PDGFRA: variants seen among roughly 807,000 people sequenced by gnomAD.
PDGFRA encodes platelet-derived growth factor receptor alpha.
Under a neutral mutation model 121.5 loss-of-function variants are expected in PDGFRA, and 25 were observed. The observed-to-expected ratio is 0.21, with a 90% CI of 0.15 to 0.29. PDGFRA has a LOEUF of 0.29. Ranked by LOEUF, PDGFRA falls within the 10% of genes least tolerant of loss-of-function variation. The probability of loss-of-function intolerance (pLI) is 1.00; values close to 1 mark genes in which losing one functional copy is unlikely to be tolerated. For synonymous variants in PDGFRA, 463 were observed against 494.8 expected, an observed-to-expected ratio of 0.94 and a Z score of 0.85; for missense variants, 1,008 against 1,345.1, an observed-to-expected ratio of 0.75 and a Z score of 3.92.
intron 3 of PDGFRA, 43 bp downstream of exon 3, chr4:54,261,455 G>A (rs1237527714): frequency 7.6e-7 from 1 of 1,324,052 alleles, no homozygotes; most frequent in Admixed American, 1.7e-5. Flanking sequence ...TTCTCTTCCT[G>A]TCTCTCCTGT....
At chr4:54,255,610 A>G (rs1252774284) in intron 1 of PDGFRA, among the ~76,000 whole-genome samples, 2 of 148,794 alleles carry the variant, frequency 1.3e-5, no homozygotes, top group Admixed American at 6.8e-5. Context: ...GGTTCACGCC[A>G]TTCTCCTGCC....
At chr4:54,231,404 G>A (rs1291372352) in intron 1 of PDGFRA, among the ~76,000 whole-genome samples, 1 of 152,210 alleles carries the variant, frequency 6.6e-6, no homozygotes, top group Non-Finnish European at 1.5e-5. Context: ...AGCATCCAGG[G>A]CAAACGCACG....
chr4:54,271,798 C>G (rs990078272), intron 8 of PDGFRA, among the ~76,000 whole-genome samples: 6 of 145,610 alleles, frequency 4.1e-5, no homozygotes, highest in African/African-American at 1.5e-4. Flanking sequence ...CTCCCTCACT[C>G]TCTCTTTTCT....
chr4:54,274,665 A>G (rs1217610057), intron 11 of PDGFRA, 40 bp downstream of exon 11: 11 of 1,539,898 alleles, frequency 7.1e-6, no homozygotes, highest in African/African-American at 4.1e-5. Flanking sequence ...TTTGAAGCCA[A>G]TGAGAACAAG....
rs372859148 is a variant in PDGFRA, at chr4:54,290,389, A to G, written c.2957A>G (p.Asn986Ser). 14 of 1,613,600 alleles carry G rather than the reference A, an allele frequency of 8.7e-6. No individual in the cohort carries two copies. The African/African-American group carries it at 1.7e-4, about 20-fold the overall frequency. Residue 986 changes from asparagine (N) to serine (S), a missense_variant, in exon 22 of 23, where the codon AAT becomes AGT. Asn to Ser is a conservative substitution (Grantham distance 46). Transcript: ENST00000257290. Reference sequence around the variant, plus strand: ...GCACGCATGCGTGTGGACTCAGACAATGCATACATTGGTGTCACCTACAAA... The same window carrying G: ...GCACGCATGCGTGTGGACTCAGACAGTGCATACATTGGTGTCACCTACAAA... ...AVARMRVDSD[N>S]AYIGVTYKNE...
intron 1 of PDGFRA, among the ~76,000 whole-genome samples, chr4:54,255,860 T>C: frequency 6.6e-6 from 1 of 152,094 alleles, no homozygotes; most frequent in Non-Finnish European, 1.5e-5. Context: ...TATTCAGTAA[T>C]TATGTATACG....
chr4:54,290,075 G>T (rs1430849768), intron 21 of PDGFRA, among the ~76,000 whole-genome samples: 1 of 152,218 alleles, frequency 6.6e-6, no homozygotes, highest in Non-Finnish European at 1.5e-5. Flanking sequence ...CTGACTTGGA[G>T]AAGGGGCTAC....
rs138150216 is a variant in PDGFRA, at chr4:54,290,471, C to T, written c.3039C>T (p.Ser1013=). ...WEGGLDEQRL[S]ADSGYIIPLP... ...GTGGTCTGGATGAGCAGAGACTGAGCGCTGACAGTGGCTACATCATTCCTC... is the reference window on the plus strand; with the variant it reads ...GTGGTCTGGATGAGCAGAGACTGAGTGCTGACAGTGGCTACATCATTCCTC... Residue 1013 remains serine, a synonymous_variant, in exon 22 of 23, where the codon AGC becomes AGT. Coordinates refer to ENST00000257290, the MANE Select transcript of PDGFRA (RefSeq NM_006206.6). The T allele has an allele frequency of 2.0e-4, 324 of 1,613,452 alleles. 2 individuals carry two copies. The East Asian group carries it at 6.4e-3, about 32-fold the overall frequency.
At chr4:54,231,296 G>A (rs1312157546) in intron 1 of PDGFRA, among the ~76,000 whole-genome samples, 3 of 152,230 alleles carry the variant, frequency 2.0e-5, no homozygotes, top group Non-Finnish European at 4.4e-5. Context: ...TGTGGGAAAT[G>A]GCTTTTTGGC....
rs1724916774 is a variant in PDGFRA at position 54,297,101 on chromosome 4, T to C, written c.*1829T>C. ...GCTCAGTGTTTTGGTGGAAAAAACATTTTAAGTTTTACTGATAATTTGAGG... is the reference window on the plus strand; with the variant it reads ...GCTCAGTGTTTTGGTGGAAAAAACACTTTAAGTTTTACTGATAATTTGAGG... On this transcript the variant is annotated 3_prime_UTR_variant, in exon 23 of 23. Coordinates refer to ENST00000257290, the MANE Select transcript of PDGFRA (RefSeq NM_006206.6). The C allele has an allele frequency of 8.6e-6, 2 of 233,022 alleles. No homozygotes were observed. The highest frequency in any genetic ancestry group is 1.1e-4 in the Admixed American group (2 of 17,782). The allele number at this position is 233,022 out of a possible 1,614,324, so 14.4% of individuals were successfully genotyped here.
At chr4:54,282,447 G>A (rs1577737744) in intron 16 of PDGFRA, among the ~76,000 whole-genome samples, 1 of 152,298 alleles carries the variant, frequency 6.6e-6, no homozygotes, top group East Asian at 1.9e-4. Flanking sequence ...TAAACAGTCA[G>A]ATCTTACAAG....
intron 15 of PDGFRA, 21 bp from the exon 16 acceptor site, chr4:54,280,295 T>C: frequency 6.2e-7 from 1 of 1,610,486 alleles, no homozygotes; most frequent in Non-Finnish European, 8.5e-7. Flanking sequence ...CTGGGTAAGA[T>C]TTCTCTTTCT....
intron 8 of PDGFRA, among the ~76,000 whole-genome samples, chr4:54,272,003 C>T (rs1723426566): frequency 3.1e-5 from 2 of 65,214 alleles, no homozygotes; most frequent in East Asian, 6.7e-4. Flanking sequence ...CCCCTCCCCC[C>T]CTCCCCTCCC....
intron 11 of PDGFRA, 46 bp from the exon 12 acceptor site, chr4:54,274,795 C>T (rs2110298738): frequency 6.2e-7 from 1 of 1,612,016 alleles, no homozygotes; most frequent in Non-Finnish European, 8.5e-7. Flanking sequence ...CTCTGGTGCA[C>T]TGGGACTTTG....
chr4:54,279,982 T>C (rs1382506477), intron 15 of PDGFRA, among the ~76,000 whole-genome samples: 1 of 152,128 alleles, frequency 6.6e-6, no homozygotes, highest in Non-Finnish European at 1.5e-5. Context: ...ACTCCTTGAT[T>C]GATGGGCATT....
chr4:54,258,822 G>A lies in PDGFRA; in HGVS notation c.49+5G>A, dbSNP rs369607686. The A allele has an allele frequency of 2.3e-5, 37 of 1,612,430 alleles. No individual in the cohort carries two copies. Among genetic ancestry groups the A allele is most frequent in the African/African-American group, 6.7e-5 (5 of 74,978 alleles). On this transcript the variant is annotated splice_donor_5th_base_variant and intron_variant, in intron 2 of 22. Coordinates refer to ENST00000257290, the MANE Select transcript of PDGFRA (RefSeq NM_006206.6). Reference sequence around the variant, plus strand: ...TCTTAGGCTGTCTTCTCACAGGTACGGAGCCCAGTCCTCTCTGAGTTCCTT... The same window carrying A: ...TCTTAGGCTGTCTTCTCACAGGTACAGAGCCCAGTCCTCTCTGAGTTCCTT...
At position 54,284,879 on chromosome 4, in the gene PDGFRA, C is replaced by CTTTTTTTTTTTTTTT. The variant is rs5858264; in HGVS notation, c.2324-484_2324-470dup. On this transcript the variant is annotated intron_variant, in intron 16 of 22. Coordinates refer to ENST00000257290, the MANE Select transcript of PDGFRA (RefSeq NM_006206.6). ...CTTTCCTTTCTTTCATTCTTTCTATCTTTTTTTTTTTTTTTTTTTTTTGAG... is the reference window on the plus strand; with the variant it reads ...CTTTCCTTTCTTTCATTCTTTCTATCTTTTTTTTTTTTTTTTTTTTTTTTTTTTTTTTTTTTTGAG... Among the ~76,000 whole-genome samples, 20 of 101,246 alleles carry CTTTTTTTTTTTTTTT rather than the reference C, an allele frequency of 2.0e-4. 5 individuals are homozygous for CTTTTTTTTTTTTTTT. Among genetic ancestry groups the CTTTTTTTTTTTTTTT allele is most frequent in the Non-Finnish European group, 2.8e-4 (15 of 54,204 alleles). The allele number at this position is 101,246 out of a possible 152,430, so 66.4% of individuals were successfully genotyped here.
At chr4:54,265,114 G>C in intron 5 of PDGFRA, 65 bp downstream of exon 5, 1 of 1,523,436 alleles carries the variant, frequency 6.6e-7, no homozygotes, top group Middle Eastern at 1.7e-4. Context: ...ACCTGCATTT[G>C]AGCTCGGTCT....
At chr4:54,234,340 A>G (rs1560444894) in intron 1 of PDGFRA, among the ~76,000 whole-genome samples, 2 of 152,204 alleles carry the variant, frequency 1.3e-5, no homozygotes, top group African/African-American at 4.8e-5. Context: ...GAGACTGGAA[A>G]TTAACATTTG....
Sources: gnomAD v4.1 joint callset for allele counts (sites outside exome capture counted in the v4.1 genomes callset) on GRCh38, gnomAD v4.1.1 for gene constraint, MANE v1.5 for transcripts, NCBI Gene and HGNC (gene_info 2026-07-23, HGNC 2026-07-21) for gene names.